The following SLC28A3 variants were observed in gnomAD, a reference collection of about 807,000 sequenced individuals.
SLC28A3 encodes solute carrier family 28 member 3, also known as concentrative Na(+)-nucleoside cotransporter 3.
In SLC28A3, 68 loss-of-function variants were observed where a neutral mutation model predicts 84.2. The ratio of observed to expected loss-of-function variants is 0.81; its 90% CI spans 0.66 to 0.99. The LOEUF (loss-of-function observed/expected upper bound fraction) is 0.99. Among genes scored for constraint, SLC28A3 ranks in the 50% least tolerant of loss-of-function variants. The probability of loss-of-function intolerance (pLI) is 0.00; values close to 1 mark genes in which losing one functional copy is unlikely to be tolerated. For synonymous variants in SLC28A3, 267 were observed against 303.6 expected, an observed-to-expected ratio of 0.88 and a Z score of 1.25; for missense variants, 712 against 841.5, an observed-to-expected ratio of 0.85 and a Z score of 1.90.
chr9:84,285,384 A>T lies in SLC28A3; in HGVS notation c.1608T>A (p.Gly536=). 1 of 1,614,076 alleles carries T rather than the reference A, an allele frequency of 6.2e-7. No individual in the cohort carries two copies. The part of the protein sequence containing the change: ...LSKWIHLRKE[G]GPKFVNGVQQ... ...GCACACCGTTTACAAATTTGGGTCC[A>T]CCTTCTTTCCTCAAGTGGATCCATT... The change falls in exon 14 of 18, where the codon GGT becomes GGA. Residue 536 remains glycine (G), a synonymous_variant. Transcript: ENST00000376238.
the SLC28A3 span, among the ~76,000 whole-genome samples, chr9:84,346,524 C>T: frequency 1.3e-5 from 2 of 152,072 alleles, no homozygotes; most frequent in African/African-American, 4.8e-5. Context: ...TAACCTTTGT[C>T]TATACAACTT....
Position 84,279,371 on chromosome 9 carries a change from T to G in SLC28A3, c.1843A>C (p.Thr615Pro). ...TGATGGCAGTTGATGTCCACAGGAG[T>G]GCTGGAGAGTATGCCTAGAAGTGGA... ...TACIAGILSSTPVDINCHHVL... is the reference protein window; with the variant it reads ...TACIAGILSSPPVDINCHHVL... The change falls in exon 17 of 18, where the codon ACT becomes CCT. Residue 615 changes from threonine to proline, a missense_variant. By Grantham distance (38) the Thr-to-Pro change is conservative. Coordinates refer to ENST00000376238, the MANE Select transcript of SLC28A3 (RefSeq NM_001199633.2). The G allele has an allele frequency of 6.3e-7, 1 of 1,589,646 alleles. No homozygotes were observed. Among genetic ancestry groups the G allele is most frequent in the Non-Finnish European group, 8.6e-7 (1 of 1,167,906 alleles).
chr9:84,285,640 T>C (rs1824952176), intron 13 of SLC28A3, 98 bp from the exon 14 acceptor site: 2 of 1,288,300 alleles, frequency 1.6e-6, no homozygotes, highest in East Asian at 4.7e-5. Flanking sequence ...CTGTCTCCTT[T>C]AGGCAAAGAA....
At chr9:84,298,055 A>C (rs761433428) in intron 6 of SLC28A3, 36 bp from the exon 7 acceptor site, 1 of 1,536,614 alleles carries the variant, frequency 6.5e-7, no homozygotes, top group South Asian at 1.2e-5. Context: ...TCTTAGTAGG[A>C]AAATTAATGC....
chr9:84,297,440 C>T, intron 7 of SLC28A3, 142 bp from the exon 8 acceptor site: 2 of 631,856 alleles, frequency 3.2e-6, no homozygotes, highest in Non-Finnish European at 5.5e-6. Context: ...CAGCTTTGCC[C>T]CCTCCAATGA....
chr9:84,282,871 C>T (rs1824812342), intron 14 of SLC28A3, among the ~76,000 whole-genome samples: 3 of 152,148 alleles, frequency 2.0e-5, no homozygotes, highest in Admixed American at 1.3e-4. Flanking sequence ...ATTCCAAGGC[C>T]CCTCTTCTCT....
intron 1 of SLC28A3, among the ~76,000 whole-genome samples, chr9:84,328,772 A>G (rs1442990204): frequency 1.3e-5 from 2 of 151,254 alleles, no homozygotes; most frequent in African/African-American, 2.4e-5. Context: ...AAAACAGAAA[A>G]CAAAAATTAG....
intron 7 of SLC28A3, 74 bp from the exon 8 acceptor site, chr9:84,297,372 G>C: frequency 8.3e-7 from 1 of 1,202,546 alleles, no homozygotes; most frequent in Non-Finnish European, 1.2e-6. Flanking sequence ...AGGAATGCTA[G>C]GCTCTCAGAG....
chr9:84,325,226 T>G (rs1320502757), intron 1 of SLC28A3, among the ~76,000 whole-genome samples: 1 of 152,132 alleles, frequency 6.6e-6, no homozygotes, highest in Non-Finnish European at 1.5e-5. Context: ...AGTCCTGTCT[T>G]GGAATCCTAC....
chr9:84,320,054 T>G (rs866476622), intron 1 of SLC28A3, among the ~76,000 whole-genome samples: 31 of 128,526 alleles, frequency 2.4e-4, no homozygotes, highest in Middle Eastern at 3.6e-3. Flanking sequence ...TTTTTTTTTT[T>G]TTTTTTTTTT....
At chr9:84,326,128 T>C (rs1224826569) in intron 1 of SLC28A3, among the ~76,000 whole-genome samples, 1 of 152,138 alleles carries the variant, frequency 6.6e-6, no homozygotes, top group Non-Finnish European at 1.5e-5. Context: ...AGATTTGGAA[T>C]TCATGCTTAA....
intron 1 of SLC28A3, among the ~76,000 whole-genome samples, chr9:84,317,780 G>A (rs901910542): frequency 6.6e-6 from 1 of 152,160 alleles, no homozygotes; most frequent in African/African-American, 2.4e-5. Context: ...GGCACACATA[G>A]TAAGTGCTCA....
In SLC28A3 at chr9:84,310,344, T is replaced by G. The variant is rs535119579; in HGVS notation, c.157-630A>C. The G allele has an allele frequency of 8.5e-6, 8 of 937,614 alleles. No individual in the cohort carries two copies. In the African/African-American group the frequency reaches 1.2e-4, roughly 15 times the overall value. The allele number at this position is 937,614 out of a possible 1,614,324, so 58.1% of individuals were successfully genotyped here. A position where few individuals can be genotyped will look rare whatever the true frequency, so the allele number is the denominator to read the frequency against. On this transcript the variant is annotated intron_variant, in intron 2 of 17. Transcript: ENST00000376238. The stretch of plus-strand genomic sequence containing the variant: ...CCCATTTTTTCATGGACAATCTTTC[T>G]AGGTACAGTTTGAGCTCTCAAATAT...
rs532795133 is a variant in SLC28A3 at position 84,338,994 on chromosome 9, A to C, written c.60+1580T>G. On this transcript the variant is annotated intron_variant, in intron 1 of 17. Transcript: ENST00000376238. The stretch of plus-strand genomic sequence containing the variant: ...TCCCGCTTGCTCATACAAGGAAGAG[A>C]GCAACCCTTATCACCAAAGACAGAG... 5.3e-5 allele frequency among the ~76,000 whole-genome samples: 8 copies of C among 152,280 alleles called. No individual in the cohort carries two copies. The East Asian group carries it at 1.5e-3, about 29-fold the overall frequency.
chr9:84,318,702 C>G (rs1470800539), intron 1 of SLC28A3, among the ~76,000 whole-genome samples: 1 of 151,970 alleles, frequency 6.6e-6, no homozygotes, highest in Non-Finnish European at 1.5e-5. Flanking sequence ...AACCCCATCT[C>G]TACTAAAAAT....
chr9:84,279,462 G>A (rs1824652863), intron 16 of SLC28A3, 77 bp from the exon 17 acceptor site: 1 of 1,124,966 alleles, frequency 8.9e-7, no homozygotes, highest in Non-Finnish European at 1.1e-6. Flanking sequence ...TTTATTTAGA[G>A]ACAGAGTCTT....
In SLC28A3 at chr9:84,285,968, A is replaced by C. The variant is rs779229445; in HGVS notation, c.1424T>G (p.Phe475Cys). ...NSALSWFGNM[F>C]DYPQLSFELI... ...CTCAAAACTCAGCTGTGGGTAGTCA[A>C]ACATGTTTCCAAACCAGGACAGGGC... The change falls in exon 13 of 18, where the codon TTT becomes TGT. Residue 475 changes from phenylalanine to cysteine, a missense_variant. Coordinates refer to ENST00000376238, the MANE Select transcript of SLC28A3 (RefSeq NM_001199633.2). 1.9e-6 allele frequency: 3 copies of C among 1,614,022 alleles called. No homozygotes were observed. The highest frequency in any genetic ancestry group is 2.5e-6 in the Non-Finnish European group (3 of 1,179,954).
At chr9:84,280,583 A>G (rs1287603554) in intron 15 of SLC28A3, among the ~76,000 whole-genome samples, 1 of 152,202 alleles carries the variant, frequency 6.6e-6, no homozygotes, top group Admixed American at 6.5e-5. Flanking sequence ...CTGGGCTGGG[A>G]GAAGCATCTG....
rs1238745517 is a variant in SLC28A3 at position 84,302,223 on chromosome 9, G to A, written c.501C>T (p.Asn167=). 4.3e-6 allele frequency: 7 copies of A among 1,614,106 alleles called. No homozygotes were observed. In the South Asian group the frequency reaches 7.7e-5, roughly 18 times the overall value. The part of the protein sequence containing the change: ...EMLSPGRRLL[N]SHWFWLKWVI... Reference sequence around the variant, plus strand: ...ACCACTTCAGCCAGAACCAATGGCTGTTTAGAAGCCTTCTGCCAGGAGACA... The same window carrying A: ...ACCACTTCAGCCAGAACCAATGGCTATTTAGAAGCCTTCTGCCAGGAGACA... Residue 167 remains asparagine (N), a synonymous_variant, in exon 5 of 18, where the codon AAC becomes AAT. Transcript: ENST00000376238.
Sources: allele counts gnomAD v4.1 joint callset (sites outside exome capture counted in the v4.1 genomes callset), GRCh38; gene constraint gnomAD v4.1.1; transcripts MANE v1.5; gene names NCBI Gene and HGNC (gene_info 2026-07-23, HGNC 2026-07-21).